The following ABRAXAS2 variants were observed in gnomAD, a reference collection of about 807,000 sequenced individuals.
ABRAXAS2 encodes BRISC complex subunit Abraxas 2.
Under a neutral mutation model 49.0 loss-of-function variants are expected in ABRAXAS2, and 23 were observed. That is an observed-to-expected ratio of 0.47 (90% confidence interval 0.34 to 0.66). The LOEUF (loss-of-function observed/expected upper bound fraction) is 0.66. Among genes scored for constraint, ABRAXAS2 ranks in the 30% least tolerant of loss-of-function variants. ABRAXAS2 has a pLI of 0.01. For synonymous variants in ABRAXAS2, 168 were observed against 180.2 expected (o/e 0.93, Z 0.54); for missense variants, 443 against 511.9 (o/e 0.87, Z 1.30).
At chr10:124,812,749 C>T (rs573462371) in intron 2 of ABRAXAS2, among the ~76,000 whole-genome samples, 20 of 152,220 alleles carry the variant, frequency 1.3e-4, no homozygotes, top group Admixed American at 2.6e-4. Flanking sequence ...GTATTCACTA[C>T]CAGTTGTATA....
intron 4 of ABRAXAS2, among the ~76,000 whole-genome samples, chr10:124,821,650 T>C (rs1296016698): frequency 6.6e-6 from 1 of 151,892 alleles, no homozygotes; most frequent in Non-Finnish European, 1.5e-5. Flanking sequence ...AAACACAAAT[T>C]GAAACGAGAT....
chr10:124,830,189 C>G (rs570691572), intron 7 of ABRAXAS2, among the ~76,000 whole-genome samples: 69 of 152,258 alleles, frequency 4.5e-4, no homozygotes, highest in African/African-American at 1.4e-3. Flanking sequence ...TCACACCTGT[C>G]ATCCCAGCAT....
chr10:124,834,694 G>C lies in ABRAXAS2; in HGVS notation c.971G>C (p.Arg324Pro), dbSNP rs546644115. ...CAAGAAAGTACTTTGAGCCACTCTC[G>C]CATGGAAAGGAGTGTCTTTATGCCT... The part of the protein sequence containing the change: ...NNQESTLSHS[R>P]MERSVFMPRP... Residue 324 changes from arginine (R) to proline (P), a missense_variant, in exon 9 of 9, where the codon CGC becomes CCC. Physicochemically the swap from Arg to Pro is moderately radical, Grantham distance 103. Around this residue, in one of 3 missense-constraint regions of ABRAXAS2, gnomAD observed 230 missense variants for 237.0 expected, o/e 0.97. Coordinates refer to ENST00000298492, the MANE Select transcript of ABRAXAS2 (RefSeq NM_032182.4). The C allele has an allele frequency of 6.2e-7, 1 of 1,613,960 alleles. No individual in the cohort carries two copies. The highest frequency in any genetic ancestry group is 8.5e-7 in the Non-Finnish European group (1 of 1,180,038).
intron 2 of ABRAXAS2, among the ~76,000 whole-genome samples, chr10:124,807,733 T>C (rs1589802417): frequency 6.6e-6 from 1 of 152,338 alleles, no homozygotes; most frequent in East Asian, 1.9e-4. Context: ...TTCTATAAAG[T>C]ATTCCTTACC....
In ABRAXAS2 at chr10:124,822,660, C is replaced by T. The variant is rs573091180; in HGVS notation, c.267+3210C>T. ...TACAAAAATTAGCTGGGCATGATGG[C>T]GGATGCCTGTAATCCCAGCTACTCG... On this transcript the variant is annotated intron_variant, in intron 4 of 8. Coordinates refer to ENST00000298492, the MANE Select transcript of ABRAXAS2 (RefSeq NM_032182.4). 2.3e-3 allele frequency among the ~76,000 whole-genome samples: 347 copies of T among 151,918 alleles called. 1 individual carries two copies. The highest frequency in any genetic ancestry group is 4.4e-3 in the Admixed American group (67 of 15,236).
chr10:124,804,154 T>G (rs112375315), intron 1 of ABRAXAS2, among the ~76,000 whole-genome samples: 22 of 152,332 alleles, frequency 1.4e-4, no homozygotes, highest in Admixed American at 4.6e-4. Context: ...CTTCCGTTTT[T>G]GGCCTCTTAA....
chr10:124,811,915 T>C (rs1950791782), intron 2 of ABRAXAS2, among the ~76,000 whole-genome samples: 2 of 151,976 alleles, frequency 1.3e-5, no homozygotes, highest in African/African-American at 4.8e-5. Flanking sequence ...GTAGCTGGGG[T>C]TACAGGCATG....
chr10:124,811,855 G>A (rs1055819682), intron 2 of ABRAXAS2, among the ~76,000 whole-genome samples: 6 of 152,070 alleles, frequency 3.9e-5, no homozygotes, highest in South Asian at 2.1e-4. Flanking sequence ...TTGGCTCACC[G>A]CAACCTCCGC....
intron 3 of ABRAXAS2, among the ~76,000 whole-genome samples, chr10:124,816,894 G>A (rs1377891529): frequency 6.6e-6 from 1 of 152,130 alleles, no homozygotes; most frequent in Non-Finnish European, 1.5e-5. Context: ...TAATTCAAAG[G>A]ATGTTCTTAA....
In ABRAXAS2 at chr10:124,801,849, G is replaced by T; in HGVS notation, c.20G>T (p.Gly7Val). The T allele has an allele frequency of 6.2e-7, 1 of 1,613,396 alleles. No individual in the cohort carries two copies. The highest frequency in any genetic ancestry group is 1.1e-5 in the South Asian group (1 of 91,062). MAASIS[G>V]YTFSAVCFHS... ...TCCATCATGGCGGCGTCCATTTCGG[G>T]CTACACCTTCAGTGCTGTGTGTTTC... The change falls in exon 1 of 9, where the codon GGC becomes GTC. Residue 7 changes from glycine to valine, a missense_variant. Gly to Val is a moderately radical substitution (Grantham distance 109, BLOSUM62 -3). Transcript: ENST00000298492.
chr10:124,805,779 T>C (rs1450696632), intron 1 of ABRAXAS2, among the ~76,000 whole-genome samples: 1 of 152,180 alleles, frequency 6.6e-6, no homozygotes, highest in Non-Finnish European at 1.5e-5. Context: ...AAGACCTGAA[T>C]GAAGGAAAGG....
Position 124,834,707 on chromosome 10 carries a change from T to C in ABRAXAS2, c.984T>C (p.Ser328=), listed in dbSNP as rs1048718844. The C allele has an allele frequency of 1.2e-6, 2 of 1,613,832 alleles. No individual in the cohort carries two copies. The highest frequency in any genetic ancestry group is 1.3e-5 in the African/African-American group (1 of 74,820). The part of the protein sequence containing the change: ...STLSHSRMER[S]VFMPRPQAVG... ...TGAGCCACTCTCGCATGGAAAGGAG[T>C]GTCTTTATGCCTCGACCTCAAGCTG... The change falls in exon 9 of 9, where the codon AGT becomes AGC. Residue 328 remains serine (S), a synonymous_variant. Transcript: ENST00000298492.
chr10:124,834,956 G>C lies in ABRAXAS2; in HGVS notation c.1233G>C (p.Gln411His). ...AHPDEDPRNT[Q>H]TSQI ...CCGACGAGGACCCCAGGAACACTCA[G>C]ACCTCCCAGATTTAACTAAACAAAA... The change falls in exon 9 of 9, where the codon CAG (glutamine) becomes CAC (histidine). Residue 411 changes from glutamine to histidine, a missense_variant. Physicochemically the swap from Gln to His is conservative, Grantham distance 24. This residue lies in a region of ABRAXAS2 where 230 missense variants were observed against 237.0 expected (regional missense o/e 0.97). Coordinates refer to ENST00000298492, the MANE Select transcript of ABRAXAS2 (RefSeq NM_032182.4). 4 of 1,603,708 alleles carry C rather than the reference G, an allele frequency of 2.5e-6. No homozygotes were observed. The highest frequency in any genetic ancestry group is 3.4e-6 in the Non-Finnish European group (4 of 1,175,886).
rs1047875152 is a variant in ABRAXAS2, at chr10:124,836,375, A to G, written c.*1404A>G. On this transcript the variant is annotated 3_prime_UTR_variant, in exon 9 of 9. Coordinates refer to ENST00000298492, the MANE Select transcript of ABRAXAS2 (RefSeq NM_032182.4). The stretch of plus-strand genomic sequence containing the variant: ...CTGCCGTTCTTTGGATCGCCACTCT[A>G]TGGGGGTCTGTCTTTTAACTACTCT... 6 of 152,148 alleles carry G rather than the reference A, an allele frequency of 3.9e-5. No individual in the cohort carries two copies. Among genetic ancestry groups the G allele is most frequent in the Non-Finnish European group, 7.3e-5 (5 of 68,038 alleles). 9.4% of individuals were successfully genotyped at this position (152,148 alleles called of 1,614,324 possible).
At chr10:124,833,947 T>A (rs1328207209) in intron 8 of ABRAXAS2, among the ~76,000 whole-genome samples, 1 of 152,120 alleles carries the variant, frequency 6.6e-6, no homozygotes, top group African/African-American at 2.4e-5. Context: ...TAAAGGCGTA[T>A]AAGTGTATTA....
chr10:124,807,486 C>T (rs1200526772), intron 2 of ABRAXAS2, among the ~76,000 whole-genome samples: 4 of 149,846 alleles, frequency 2.7e-5, no homozygotes, highest in Non-Finnish European at 5.9e-5. Flanking sequence ...AACCCCGTCT[C>T]TACTAAAAAT....
chr10:124,804,517 A>C (rs1483703347), intron 1 of ABRAXAS2, among the ~76,000 whole-genome samples: 1 of 152,016 alleles, frequency 6.6e-6, no homozygotes, highest in Non-Finnish European at 1.5e-5. Context: ...ATTTTTTGAA[A>C]GTGGGTATTT....
At chr10:124,815,878 A>G (rs892697258) in intron 2 of ABRAXAS2, among the ~76,000 whole-genome samples, 1 of 147,770 alleles carries the variant, frequency 6.8e-6, no homozygotes, top group Non-Finnish European at 1.5e-5. Context: ...TCTGTCCCCA[A>G]GCTGTCCTCG....
chr10:124,820,006 C>G (rs1950851777), intron 4 of ABRAXAS2, among the ~76,000 whole-genome samples: 1 of 151,914 alleles, frequency 6.6e-6, no homozygotes, highest in African/African-American at 2.4e-5. Flanking sequence ...CTTTTTTTAC[C>G]TTGGGATATT....
Sources: gnomAD v4.1 joint callset for allele counts (sites outside exome capture counted in the v4.1 genomes callset) on GRCh38, gnomAD v4.1.1 for gene constraint, gnomAD v4.1.1 regional missense constraint, MANE v1.5 for transcripts, NCBI Gene and HGNC (gene_info 2026-07-23, HGNC 2026-07-21) for gene names.